The following ZNF596 variants were observed in gnomAD, a reference collection of about 807,000 sequenced individuals.
ZNF596 encodes the protein zinc finger protein 596.
A neutral mutation model predicts 48.3 loss-of-function variants in ZNF596; 45 were observed. The observed-to-expected ratio is 0.93, with a 90% CI of 0.73 to 1.19. The LOEUF (loss-of-function observed/expected upper bound fraction) is 1.19. Among genes scored for constraint, ZNF596 ranks in the 50% most tolerant of loss-of-function variants. ZNF596 has a pLI of 0.00. For synonymous variants in ZNF596, 270 were observed against 202.0 expected (o/e 1.34, Z -2.85); for missense variants, 848 against 599.7 (o/e 1.41, Z -4.32).
At chr8:245,121 T>A (rs1465785684) in intron 5 of ZNF596, 33 bp from the exon 6 acceptor site, 1 of 1,540,782 alleles carries the variant, frequency 6.5e-7, no homozygotes, top group Admixed American at 2.1e-5. Flanking sequence ...TGGATAAACC[T>A]TTAATAGTCT....
In ZNF596 at chr8:238,799, C is replaced by G. The variant is rs1796730338; in HGVS notation, c.-72-2025C>G. 2.0e-5 allele frequency among the ~76,000 whole-genome samples: 3 copies of G among 151,604 alleles called. No individual in the cohort carries two copies. In the South Asian group the frequency reaches 6.2e-4, roughly 32 times the overall value. On this transcript the variant is annotated intron_variant, in intron 1 of 5. Transcript: ENST00000398612. ...TACAGCCTGGGCAACGCGAGTGAAA[C>G]TCCGCTTTAAAAAAAAGAAAAAGAA...
At chr8:244,298 A>G (rs754579477) in intron 4 of ZNF596, 1 of 287,508 alleles carries the variant, frequency 3.5e-6, no homozygotes, top group Non-Finnish European at 6.4e-6. Context: ...TTATTCAAGT[A>G]TCTCTCTGTC....
intron 1 of ZNF596, chr8:237,439 G>A (rs749247901): frequency 5.3e-5 from 8 of 152,044 alleles, no homozygotes; most frequent in Non-Finnish European, 1.0e-4. Context: ...TACGTTTCTT[G>A]AAGATCACAG....
chr8:233,881 G>T (rs1031212342), intron 1 of ZNF596, among the ~76,000 whole-genome samples: 15 of 152,128 alleles, frequency 9.9e-5, no homozygotes, highest in Non-Finnish European at 7.3e-5. Context: ...TAGGGGGCAG[G>T]GATGTTAAGG....
At chr8:237,788 G>C (rs1257344330) in intron 1 of ZNF596, 2 of 152,182 alleles carry the variant, frequency 1.3e-5, no homozygotes, top group Non-Finnish European at 2.9e-5. Flanking sequence ...TAGGATTATA[G>C]GCTGGACTCC....
Position 246,204 on chromosome 8 carries a change from G to C in ZNF596, c.1357G>C (p.Gly453Arg), listed in dbSNP as rs1215372982. The C allele has an allele frequency of 6.2e-7, 1 of 1,614,088 alleles. No homozygotes were observed. The highest frequency in any genetic ancestry group is 8.5e-7 in the Non-Finnish European group (1 of 1,180,014). The change falls in exon 6 of 6, where the codon GGT (glycine) becomes CGT (arginine). Residue 453 changes from glycine (G) to arginine (R), a missense_variant. Physicochemically the swap from Gly to Arg is moderately radical, Grantham distance 125. Transcript: ENST00000398612. ...GEKPYECNIC[G>R]KAFNRSYNFR... ...GAAACCATATGAATGCAATATATGTGGTAAAGCCTTCAATAGAAGTTACAA... is the reference window on the plus strand; with the variant it reads ...GAAACCATATGAATGCAATATATGTCGTAAAGCCTTCAATAGAAGTTACAA...
chr8:246,479 T>C lies in ZNF596; in HGVS notation c.*117T>C. 1 of 1,322,894 alleles carries C rather than the reference T, an allele frequency of 7.6e-7. No homozygotes were observed. The highest frequency in any genetic ancestry group is 1.0e-6 in the Non-Finnish European group (1 of 979,836). 81.9% of individuals were successfully genotyped at this position (1,322,894 alleles called of 1,614,324 possible). On this transcript the variant is annotated 3_prime_UTR_variant, in exon 6 of 6. Coordinates refer to ENST00000398612, the MANE Select transcript of ZNF596 (RefSeq NM_001042416.3). ...TTTATATTTACCACTTTGCTCAACC[T>C]AAATGAATTCAAGGTAGAGAGAATC...
rs762487868 is a variant in ZNF596 at position 245,668 on chromosome 8, C to G, written c.821C>G (p.Thr274Ser). The part of the protein sequence containing the change: ...SNLRRHEMIH[T>S]REKAQICHLC... Reference sequence around the variant, plus strand: ...CTTAGACGACATGAGATGATTCACACTAGAGAAAAAGCACAGATATGCCAT... The same window carrying G: ...CTTAGACGACATGAGATGATTCACAGTAGAGAAAAAGCACAGATATGCCAT... The change falls in exon 6 of 6, where the codon ACT becomes AGT. Residue 274 changes from threonine to serine, a missense_variant. By Grantham distance (58) the Thr-to-Ser change is moderately conservative. Coordinates refer to ENST00000398612, the MANE Select transcript of ZNF596 (RefSeq NM_001042416.3). 6 of 1,613,534 alleles carry G rather than the reference C, an allele frequency of 3.7e-6. No individual in the cohort carries two copies. In the African/African-American group the frequency reaches 8.0e-5, roughly 22 times the overall value.
chr8:239,832 A>G (rs1796776950), intron 1 of ZNF596, among the ~76,000 whole-genome samples: 1 of 152,130 alleles, frequency 6.6e-6, no homozygotes. Flanking sequence ...CCCAAAGGAT[A>G]GGGGGTGGGA....
intron 5 of ZNF596, 101 bp downstream of exon 5, chr8:244,802 CCA>C: frequency 1.0e-6 from 1 of 960,780 alleles, no homozygotes; most frequent in Non-Finnish European, 1.6e-6. Flanking sequence ...TAAAGCCCTC[CCA>C]GCAGTTTTAG....
At position 245,297 on chromosome 8, in the gene ZNF596, C is replaced by G; in HGVS notation, c.450C>G (p.Asp150Glu). Residue 150 changes from aspartate (D) to glutamate (E), a missense_variant, in exon 6 of 6, where the codon GAC becomes GAG. Transcript: ENST00000398612. ...VSKKFGKIFS[D>E]WLSFNQHKEI... The stretch of plus-strand genomic sequence containing the variant: ...AAAAGTTTGGGAAAATCTTCAGTGA[C>G]TGGTTATCCTTTAATCAACACAAGG... 1 of 1,614,080 alleles carries G rather than the reference C, an allele frequency of 6.2e-7. No individual in the cohort carries two copies. The highest frequency in any genetic ancestry group is 8.5e-7 in the Non-Finnish European group (1 of 1,180,002).
At chr8:237,997 A>C (rs1052618587) in intron 1 of ZNF596, among the ~76,000 whole-genome samples, 6 of 152,170 alleles carry the variant, frequency 3.9e-5, no homozygotes, top group Non-Finnish European at 7.3e-5. Context: ...GGCAGGGGTG[A>C]CCCAGGCCCA....
chr8:243,259 T>C (rs1796926787), intron 3 of ZNF596: 1 of 353,922 alleles, frequency 2.8e-6, no homozygotes, highest in East Asian at 4.7e-5. Context: ...TCCTTCTTGC[T>C]CTTTAATCTC....
intron 1 of ZNF596, among the ~76,000 whole-genome samples, chr8:239,542 G>A (rs1796762800): frequency 6.6e-6 from 1 of 152,158 alleles, no homozygotes; most frequent in Admixed American, 6.5e-5. Context: ...GCAGCTCACA[G>A]AACCCAGGAA....
intron 1 of ZNF596, among the ~76,000 whole-genome samples, chr8:236,505 G>C (rs1002680182): frequency 2.0e-5 from 3 of 152,086 alleles, no homozygotes; most frequent in African/African-American, 4.8e-5. Context: ...ACCTTTAGTG[G>C]AAATGGTTCT....
chr8:245,746 C>T lies in ZNF596; in HGVS notation c.899C>T (p.Thr300Ile). The T allele has an allele frequency of 6.2e-7, 1 of 1,613,988 alleles. No individual in the cohort carries two copies. The highest frequency in any genetic ancestry group is 2.2e-5 in the East Asian group (1 of 44,854). The stretch of plus-strand genomic sequence containing the variant: ...TCTGACCTTAGAAAACATGAGAGAA[C>T]TCACTTAGGAGATAAACCATATGGA... ...HCSDLRKHER[T>I]HLGDKPYGCL... Residue 300 changes from threonine to isoleucine, a missense_variant, in exon 6 of 6, where the codon ACT becomes ATT. Physicochemically the swap from Thr to Ile is moderately conservative, Grantham distance 89. Coordinates refer to ENST00000398612, the MANE Select transcript of ZNF596 (RefSeq NM_001042416.3).
intron 1 of ZNF596, chr8:233,504 C>G (rs1469325469): frequency 9.1e-6 from 2 of 220,370 alleles, no homozygotes; most frequent in Non-Finnish European, 1.8e-5. Context: ...GTTTAGTATT[C>G]AACAGCTTCC....
intron 4 of ZNF596, 54 bp downstream of exon 4, chr8:243,859 G>C: frequency 6.8e-7 from 1 of 1,467,470 alleles, no homozygotes; most frequent in Non-Finnish European, 9.5e-7. Context: ...TGGCCAGTGA[G>C]TGAGTAGGAC....
chr8:245,030 A>G, intron 5 of ZNF596, 124 bp from the exon 6 acceptor site: 1 of 1,196,028 alleles, frequency 8.4e-7, no homozygotes, highest in East Asian at 2.5e-5. Flanking sequence ...CTGATATAGG[A>G]ACAATTGTAA....
Sources: allele counts gnomAD v4.1 joint callset (sites outside exome capture counted in the v4.1 genomes callset), GRCh38; gene constraint gnomAD v4.1.1; transcripts MANE v1.5; gene names NCBI Gene and HGNC (gene_info 2026-07-23, HGNC 2026-07-21).